Variants in NALCN observed in about 807,000 individuals in gnomAD.
The protein encoded by NALCN is sodium leak channel, non-selective.
A neutral mutation model predicts 225.3 loss-of-function variants in NALCN; 111 were observed. The observed-to-expected ratio is 0.49, with a 90% CI of 0.42 to 0.58. The LOEUF (loss-of-function observed/expected upper bound fraction) is 0.58. Among genes scored for constraint, NALCN ranks in the 20% least tolerant of loss-of-function variants. The pLI is 0.00. For missense variants in NALCN, 1,378 were observed against 2,202.4 expected (o/e 0.63, Z 7.49); for synonymous variants, 764 against 769.0 (o/e 0.99, Z 0.11).
intron 7 of NALCN, among the ~76,000 whole-genome samples, chr13:101,302,028 A>G (rs2043990795): frequency 6.6e-6 from 1 of 152,206 alleles, no homozygotes; most frequent in Non-Finnish European, 1.5e-5. Context: ...CCCATATTTT[A>G]AAGATTTATT....
rs949044121 is a variant in NALCN, at chr13:101,397,103, T to C, written c.109-1738A>G. 7.0e-3 allele frequency among the ~76,000 whole-genome samples: 483 copies of C among 68,872 alleles called. 13 individuals are homozygous for C. The highest frequency in any genetic ancestry group is 0.054 in the African/African-American group (454 of 8,362). The allele number at this position is 68,872 out of a possible 152,430, so 45.2% of individuals were successfully genotyped here. Reference sequence around the variant, plus strand: ...ATATATATATATATATATATATATATATATATACATACACATACATATATA... The same window carrying C: ...ATATATATATATATATATATATATACATATATACATACACATACATATATA... On this transcript the variant is annotated intron_variant, in intron 2 of 43. Transcript: ENST00000251127.
At chr13:101,402,011 A>G (rs1411702549) in intron 1 of NALCN, among the ~76,000 whole-genome samples, 1 of 152,242 alleles carries the variant, frequency 6.6e-6, no homozygotes, top group Non-Finnish European at 1.5e-5. Flanking sequence ...ATTCATGTTG[A>G]ATCAATAAAA....
intron 7 of NALCN, among the ~76,000 whole-genome samples, chr13:101,302,600 G>C (rs566809841): frequency 1.3e-5 from 2 of 152,210 alleles, no homozygotes; most frequent in East Asian, 1.9e-4. Context: ...AATTTACACT[G>C]AATGTCATTA....
chr13:101,143,804 T>C (rs986450449), intron 16 of NALCN, among the ~76,000 whole-genome samples: 6 of 152,146 alleles, frequency 3.9e-5, no homozygotes, highest in Non-Finnish European at 7.3e-5. Flanking sequence ...ACACTTTTTT[T>C]CCCCCTCTAA....
intron 17 of NALCN, among the ~76,000 whole-genome samples, 166 bp from the exon 18 acceptor site, chr13:101,124,847 G>A (rs2036158190): frequency 1.3e-5 from 2 of 152,168 alleles, no homozygotes; most frequent in African/African-American, 2.4e-5. Flanking sequence ...TATTTGGGCA[G>A]CACCATGAAC....
chr13:101,282,068 T>C (rs1421753944), intron 10 of NALCN, among the ~76,000 whole-genome samples: 2 of 152,166 alleles, frequency 1.3e-5, no homozygotes, highest in African/African-American at 4.8e-5. Context: ...GGATTTAAAT[T>C]GGTAGAGCCA....
chr13:101,208,803 G>A (rs562443302), intron 13 of NALCN, among the ~76,000 whole-genome samples: 6 of 152,262 alleles, frequency 3.9e-5, no homozygotes, highest in South Asian at 2.1e-4. Flanking sequence ...ATGTGAAACC[G>A]CTTGCTCCCC....
At chr13:101,199,704 C>T (rs552425794) in intron 13 of NALCN, among the ~76,000 whole-genome samples, 10 of 151,166 alleles carry the variant, frequency 6.6e-5, no homozygotes, top group South Asian at 6.3e-4. Context: ...ATGTAAATGA[C>T]GAGTTAATGG....
At chr13:101,187,163 C>T (rs534721702) in intron 14 of NALCN, among the ~76,000 whole-genome samples, 48 of 152,088 alleles carry the variant, frequency 3.2e-4, no homozygotes, top group Admixed American at 7.9e-4. Context: ...AGAGAGAATG[C>T]GTATTCACAT....
At chr13:101,347,413 C>G (rs1185018483) in intron 6 of NALCN, among the ~76,000 whole-genome samples, 1 of 152,118 alleles carries the variant, frequency 6.6e-6, no homozygotes, top group Non-Finnish European at 1.5e-5. Flanking sequence ...GTGGAAATTA[C>G]CACAATTGGG....
In NALCN at chr13:101,155,814, T is replaced by C. The variant is rs188579008; in HGVS notation, c.1840-10918A>G. 3.3e-5 allele frequency among the ~76,000 whole-genome samples: 5 copies of C among 152,274 alleles called. 1 individual carries two copies. The highest frequency in any genetic ancestry group is 1.2e-4 in the African/African-American group (5 of 41,568). On this transcript the variant is annotated intron_variant, in intron 15 of 43. Transcript: ENST00000251127. ...AGGACACTTTGAGGCCATGCAAATGTTTTATTTCTCCTTAAAGTTTCACAT... is the reference window on the plus strand; with the variant it reads ...AGGACACTTTGAGGCCATGCAAATGCTTTATTTCTCCTTAAAGTTTCACAT...
In NALCN at chr13:101,300,440, CT is replaced by C. The variant is rs2043923705; in HGVS notation, c.800-8075del. ...CTTTCTCTTTTTTTTCTCTCTCTTT[CT>C]TTCTTCCTTTCCTTTTTTTCTTTTT... On this transcript the variant is annotated intron_variant, in intron 7 of 43. Coordinates refer to ENST00000251127, the MANE Select transcript of NALCN (RefSeq NM_052867.4). 3.1e-5 allele frequency among the ~76,000 whole-genome samples: 4 copies of C among 129,820 alleles called. No individual in the cohort carries two copies. The South Asian group carries it at 9.8e-4, about 32-fold the overall frequency. 85.2% of individuals were successfully genotyped at this position (129,820 alleles called of 152,430 possible). A position where few individuals can be genotyped will look rare whatever the true frequency, so the allele number is the denominator to read the frequency against.
chr13:101,127,928 A>C (rs2036318913), intron 17 of NALCN, among the ~76,000 whole-genome samples: 1 of 152,226 alleles, frequency 6.6e-6, no homozygotes, highest in Non-Finnish European at 1.5e-5. Context: ...GCTCAGAGCT[A>C]CACTGCTCTG....
intron 11 of NALCN, among the ~76,000 whole-genome samples, chr13:101,247,766 G>A (rs1420698509): frequency 2.0e-5 from 3 of 152,032 alleles, no homozygotes; most frequent in African/African-American, 7.2e-5. Flanking sequence ...TAGGTATTAA[G>A]CCCCACATGC....
intron 13 of NALCN, among the ~76,000 whole-genome samples, chr13:101,225,062 C>T (rs1268908196): frequency 6.6e-6 from 1 of 152,170 alleles, no homozygotes; most frequent in Non-Finnish European, 1.5e-5. Flanking sequence ...TGGTGCCCAA[C>T]TTTTTCCATG....
intron 42 of NALCN, 43 bp from the exon 43 acceptor site, chr13:101,058,099 T>A (rs1285396404): frequency 4.6e-6 from 7 of 1,520,776 alleles, no homozygotes; most frequent in Non-Finnish European, 6.3e-6. Flanking sequence ...TTTTTAACCC[T>A]GCGCTCTCCT....
chr13:101,054,663 A>G lies in NALCN; in HGVS notation c.*632T>C, dbSNP rs2030987083. 1 of 152,214 alleles carries G rather than the reference A, an allele frequency of 6.6e-6. No homozygotes were observed. The highest frequency in any genetic ancestry group is 6.5e-5 in the Admixed American group (1 of 15,278). 9.4% of individuals were successfully genotyped at this position (152,214 alleles called of 1,614,324 possible). A position where few individuals can be genotyped will look rare whatever the true frequency, so the allele number is the denominator to read the frequency against. On this transcript the variant is annotated 3_prime_UTR_variant, in exon 44 of 44. Transcript: ENST00000251127. ...CACAATTTTCTTAGAAGGAGGCAACAGTTTCATTAACATAACTGAGGACAG... is the reference window on the plus strand; with the variant it reads ...CACAATTTTCTTAGAAGGAGGCAACGGTTTCATTAACATAACTGAGGACAG...
chr13:101,254,005 A>C (rs1448825460), intron 11 of NALCN, among the ~76,000 whole-genome samples: 1 of 152,226 alleles, frequency 6.6e-6, no homozygotes, highest in Non-Finnish European at 1.5e-5. Flanking sequence ...CTCATGTATA[A>C]GTTTCTGATA....
intron 6 of NALCN, among the ~76,000 whole-genome samples, chr13:101,360,189 C>CCTCT (rs759523803): frequency 0.096 from 8,539 of 88,768 alleles, 770 homozygotes; most frequent in East Asian, 0.14. Context: ...TTCCTCTCTT[C>CCTCT]CTCTCTCTCT....
Sources: gnomAD v4.1 joint callset for allele counts (sites outside exome capture counted in the v4.1 genomes callset) on GRCh38, gnomAD v4.1.1 for gene constraint, MANE v1.5 for transcripts, NCBI Gene and HGNC (gene_info 2026-07-23, HGNC 2026-07-21) for gene names.